Variants in TMC1 observed in about 807,000 individuals in gnomAD.
TMC1 encodes transmembrane channel like 1.
Under a neutral mutation model 105.8 loss-of-function variants are expected in TMC1, and 84 were observed. The ratio of observed to expected loss-of-function variants is 0.79; its 90% CI spans 0.67 to 0.95. TMC1 has a LOEUF of 0.95. TMC1 is among the 40% of genes least tolerant of loss of function. The pLI is 0.00. For missense variants in TMC1, 817 were observed against 914.1 expected (o/e 0.89, Z 1.37); for synonymous variants, 315 against 311.5 (o/e 1.01, Z -0.12).
At chr9:72,608,772 G>A (rs528774872) in intron 2 of TMC1, among the ~76,000 whole-genome samples, 7 of 151,702 alleles carry the variant, frequency 4.6e-5, no homozygotes, top group Non-Finnish European at 8.8e-5. Flanking sequence ...GTGGTGATAC[G>A]TATGGTTTAG....
chr9:72,679,008 A>G (rs889085976), intron 5 of TMC1, among the ~76,000 whole-genome samples: 3 of 151,972 alleles, frequency 2.0e-5, no homozygotes, highest in Non-Finnish European at 4.4e-5. Context: ...TGAAGTCTAT[A>G]TTTACCTAGT....
At chr9:72,634,294 G>A (rs545593367) in intron 4 of TMC1, among the ~76,000 whole-genome samples, 2 of 152,284 alleles carry the variant, frequency 1.3e-5, no homozygotes, top group South Asian at 4.1e-4. Flanking sequence ...CTTAGATTTT[G>A]ACAATAGTGA....
rs187048755 is a variant in TMC1, at chr9:72,600,500, T to C, written c.-305-15868T>C. 2.6e-5 allele frequency among the ~76,000 whole-genome samples: 4 copies of C among 152,304 alleles called. No individual in the cohort carries two copies. The East Asian group carries it at 7.7e-4, about 29-fold the overall frequency. ...CTACCATATCTTTGGCTTTACAAAA[T>C]ATATTAACACAGTTTCATAATAGAT... On this transcript the variant is annotated intron_variant, in intron 2 of 23. Transcript: ENST00000297784.
At chr9:72,726,071 ACACT>A (rs949677021) in intron 8 of TMC1, among the ~76,000 whole-genome samples, 2 of 152,182 alleles carry the variant, frequency 1.3e-5, no homozygotes, top group African/African-American at 2.4e-5. Flanking sequence ...AATCAAGTTG[ACACT>A]CAGTATTAAC....
intron 8 of TMC1, among the ~76,000 whole-genome samples, chr9:72,734,546 G>C (rs779610830): frequency 1.3e-5 from 2 of 151,700 alleles, no homozygotes; most frequent in Non-Finnish European, 2.9e-5. Flanking sequence ...ATATTATCTA[G>C]GAGGCCTCTA....
At chr9:72,609,751 C>A (rs914367100) in intron 2 of TMC1, among the ~76,000 whole-genome samples, 10 of 152,142 alleles carry the variant, frequency 6.6e-5, no homozygotes, top group Non-Finnish European at 1.2e-4. Context: ...TAACTATTAT[C>A]ATTTCCACAT....
chr9:72,608,857 G>A (rs773998414), intron 2 of TMC1, among the ~76,000 whole-genome samples: 3 of 151,902 alleles, frequency 2.0e-5, no homozygotes, highest in Non-Finnish European at 2.9e-5. Context: ...ACATCATAGG[G>A]AGACTATAAA....
rs111353632 is a variant in TMC1 at position 72,694,613 on chromosome 9, C to A, written c.135C>A (p.Thr45=). Residue 45 remains threonine (T), a synonymous_variant, in exon 7 of 24, where the codon ACC becomes ACA. Transcript: ENST00000297784. The stretch of plus-strand genomic sequence containing the variant: ...GCTTGAGACCAAAGAGGAAACGGAC[C>A]AGAGATGTTATCAATGAGGATGACC... ...RESLRPKRKR[T]RDVINEDDPE... The A allele has an allele frequency of 6.9e-5, 111 of 1,612,950 alleles. No homozygotes were observed. The African/African-American group carries it at 1.2e-3, about 18-fold the overall frequency.
chr9:72,532,487 G>T (rs1193178742), intron 1 of TMC1, among the ~76,000 whole-genome samples: 2 of 128,836 alleles, frequency 1.6e-5, no homozygotes, highest in Admixed American at 1.8e-4. Context: ...GTTGCAGTGA[G>T]CCGAGATCGT....
intron 5 of TMC1, among the ~76,000 whole-genome samples, chr9:72,667,016 G>A (rs750024607): frequency 1.3e-5 from 2 of 152,170 alleles, no homozygotes; most frequent in Non-Finnish European, 2.9e-5. Context: ...GGACACAGAG[G>A]TTGCAGTGAG....
chr9:72,806,646 T>G (rs1828597476), intron 18 of TMC1, among the ~76,000 whole-genome samples: 2 of 144,962 alleles, frequency 1.4e-5, no homozygotes, highest in Non-Finnish European at 3.0e-5. Context: ...GCAGAGGTGC[T>G]CCTCACATCC....
chr9:72,675,762 C>T (rs1826193012), intron 5 of TMC1, among the ~76,000 whole-genome samples: 1 of 152,150 alleles, frequency 6.6e-6, no homozygotes, highest in Non-Finnish European at 1.5e-5. Flanking sequence ...CTGTCAAGCT[C>T]TTACTAAGTG....
At chr9:72,831,445 T>A (rs192156956) in intron 23 of TMC1, among the ~76,000 whole-genome samples, 30 of 151,864 alleles carry the variant, frequency 2.0e-4, no homozygotes, top group African/African-American at 2.4e-4. Context: ...ATATATATAT[T>A]TTTTAATTAT....
chr9:72,666,865 C>A (rs1826051778), intron 5 of TMC1, among the ~76,000 whole-genome samples: 1 of 150,900 alleles, frequency 6.6e-6, no homozygotes, highest in Admixed American at 6.6e-5. Flanking sequence ...GCCTGGGCAG[C>A]ATAGGGAAAT....
chr9:72,700,251 C>CAA (rs113598491), intron 7 of TMC1, among the ~76,000 whole-genome samples: 1 of 97,788 alleles, frequency 1.0e-5, no homozygotes, highest in Non-Finnish European at 2.2e-5. Context: ...AACTCCATCT[C>CAA]AAAAAAAAAA....
intron 5 of TMC1, among the ~76,000 whole-genome samples, chr9:72,662,372 T>G (rs1430045615): frequency 6.6e-6 from 1 of 150,760 alleles, no homozygotes; most frequent in African/African-American, 2.4e-5. Flanking sequence ...TTTTTTTGTA[T>G]TTTTAGTAGA....
In TMC1 at chr9:72,618,746, A is replaced by AG. The variant is rs1195610749; in HGVS notation, c.-196+2271dup. On this transcript the variant is annotated intron_variant, in intron 3 of 23. Transcript: ENST00000297784. ...CATAACATATGGATGCACAGCTATT[A>AG]GGATAATGTATAAACATGATTATGT... Among the ~76,000 whole-genome samples the AG allele has an allele frequency of 2.0e-5, 3 of 152,332 alleles. No individual in the cohort carries two copies. In the East Asian group the frequency reaches 5.8e-4, roughly 29 times the overall value.
chr9:72,823,510 G>C (rs1013591903), intron 20 of TMC1, among the ~76,000 whole-genome samples: 7 of 151,722 alleles, frequency 4.6e-5, no homozygotes, highest in African/African-American at 1.7e-4. Flanking sequence ...AGGTAAGATG[G>C]CTATAGTATA....
chr9:72,704,941 G>T (rs1826709855), intron 8 of TMC1, among the ~76,000 whole-genome samples: 1 of 152,146 alleles, frequency 6.6e-6, no homozygotes, highest in African/African-American at 2.4e-5. Context: ...GGAAGAGTGT[G>T]TGTAGGGAGT....
Sources: gnomAD v4.1 joint callset for allele counts (sites outside exome capture counted in the v4.1 genomes callset) on GRCh38, gnomAD v4.1.1 for gene constraint, MANE v1.5 for transcripts, NCBI Gene and HGNC (gene_info 2026-07-23, HGNC 2026-07-21) for gene names.